Variants in EYA4 observed in about 807,000 individuals in gnomAD.
EYA4 encodes the protein EYA transcriptional coactivator and phosphatase 4, also known as protein phosphatase EYA4.
Under a neutral mutation model 87.9 loss-of-function variants are expected in EYA4, and 31 were observed. That is an observed-to-expected ratio of 0.35 (90% CI 0.27 to 0.48). EYA4 has a LOEUF of 0.48. EYA4 is among the 20% of genes least tolerant of loss of function. The probability of loss-of-function intolerance (pLI) is 0.99; values close to 1 mark genes in which losing one functional copy is unlikely to be tolerated. For missense variants in EYA4, 678 were observed against 761.4 expected (o/e 0.89, Z 1.29); for synonymous variants, 263 against 270.6 (o/e 0.97, Z 0.28).
At position 133,481,615 on chromosome 6, in the gene EYA4, C is replaced by A. The variant is rs368953117; in HGVS notation, c.1107+16C>A. The A allele has an allele frequency of 1.4e-5, 22 of 1,612,974 alleles. No individual in the cohort carries two copies. The African/African-American group carries it at 2.8e-4, about 21-fold the overall frequency. On this transcript the variant is annotated intron_variant, in intron 12 of 19. Coordinates refer to ENST00000355286, the MANE Select transcript of EYA4 (RefSeq NM_004100.5). ...TGACCTGGAGGTATGCCTACTCATT[C>A]TTAAAGATTGTAGTGTGATGCTTTA... is the stretch of plus-strand genomic sequence containing the variant.
Position 133,506,117 on chromosome 6 carries a change from G to C in EYA4, c.1203G>C (p.Met401Ile). ...CATTTTCTTTACAGGATCCCCCCAT[G>C]GCTGTAACCCTTGGACTCCGCATGG... The part of the protein sequence containing the change: ...YAQKYGKDPP[M>I]AVTLGLRMEE... The change falls in exon 14 of 20, where the codon ATG (methionine) becomes ATC (isoleucine). Residue 401 changes from methionine to isoleucine, a missense_variant. Met to Ile is a conservative substitution (Grantham distance 10). Coordinates refer to ENST00000355286, the MANE Select transcript of EYA4 (RefSeq NM_004100.5). 6.2e-7 allele frequency: 1 copy of C among 1,604,766 alleles called. No homozygotes were observed. The highest frequency in any genetic ancestry group is 2.2e-5 in the East Asian group (1 of 44,832).
At chr6:133,262,959 A>G (rs1313268597) in intron 1 of EYA4, among the ~76,000 whole-genome samples, 1 of 152,254 alleles carries the variant, frequency 6.6e-6, no homozygotes, top group Non-Finnish European at 1.5e-5. Context: ...GCATAGTCCA[A>G]GAATGTGCAT....
chr6:133,373,702 A>T (rs540224881), intron 2 of EYA4, among the ~76,000 whole-genome samples: 1 of 152,212 alleles, frequency 6.6e-6, no homozygotes, highest in Non-Finnish European at 1.5e-5. Context: ...CGGCAAAGAA[A>T]CATATAAACA....
chr6:133,489,958 T>C (rs187736767), intron 13 of EYA4, among the ~76,000 whole-genome samples: 8 of 148,854 alleles, frequency 5.4e-5, no homozygotes, highest in African/African-American at 2.0e-4. Context: ...TGACAACTTT[T>C]CAAGACATAG....
chr6:133,333,868 CT>C (rs910566592), intron 2 of EYA4, among the ~76,000 whole-genome samples: 1 of 152,104 alleles, frequency 6.6e-6, no homozygotes, highest in Non-Finnish European at 1.5e-5. Flanking sequence ...TAAAGACAAA[CT>C]TTTTTTCAGA....
At chr6:133,322,522 C>T (rs1332061679) in intron 2 of EYA4, among the ~76,000 whole-genome samples, 1 of 152,072 alleles carries the variant, frequency 6.6e-6, no homozygotes, top group Non-Finnish European at 1.5e-5. Flanking sequence ...ATGAGTAAAT[C>T]TGAAACTGAT....
At chr6:133,241,787 C>G (rs1212430867) in intron 1 of EYA4, 38 bp downstream of exon 1, 2 of 152,304 alleles carry the variant, frequency 1.3e-5, no homozygotes, top group African/African-American at 2.4e-5. Context: ...CCCCAGGGCT[C>G]CCGGGGGAGC....
At chr6:133,518,001 A>C (rs1192246394) in intron 17 of EYA4, among the ~76,000 whole-genome samples, 1 of 152,188 alleles carries the variant, frequency 6.6e-6, no homozygotes, top group Non-Finnish European at 1.5e-5. Flanking sequence ...ATAAGGAAGA[A>C]ATGTCTAAAC....
At chr6:133,396,114 C>A (rs1261987841) in intron 3 of EYA4, among the ~76,000 whole-genome samples, 2 of 152,076 alleles carry the variant, frequency 1.3e-5, no homozygotes, top group African/African-American at 4.8e-5. Context: ...TGAAAAAGCT[C>A]TTTGAAAGGA....
chr6:133,262,124 C>T (rs1775844666), intron 1 of EYA4, among the ~76,000 whole-genome samples: 1 of 152,290 alleles, frequency 6.6e-6, no homozygotes, highest in Middle Eastern at 3.4e-3. Flanking sequence ...CTTAAATTCT[C>T]TCAAAGTGCA....
At chr6:133,265,167 G>C (rs1356914612) in intron 1 of EYA4, among the ~76,000 whole-genome samples, 3 of 152,020 alleles carry the variant, frequency 2.0e-5, no homozygotes, top group African/African-American at 7.2e-5. Flanking sequence ...CTCGCTTCTA[G>C]CAGAGTTAAA....
At chr6:133,268,976 T>C (rs1229412352) in intron 1 of EYA4, among the ~76,000 whole-genome samples, 6 of 152,024 alleles carry the variant, frequency 3.9e-5, no homozygotes, top group Non-Finnish European at 7.4e-5. Context: ...TGTGTACTGC[T>C]GGCTGGGCAT....
intron 1 of EYA4, among the ~76,000 whole-genome samples, chr6:133,255,754 A>C (rs1370863071): frequency 6.6e-6 from 1 of 152,080 alleles, no homozygotes. Context: ...ATCAGTACAT[A>C]TAGTTTTGGG....
At chr6:133,276,849 G>A (rs1270584957) in intron 2 of EYA4, among the ~76,000 whole-genome samples, 1 of 150,002 alleles carries the variant, frequency 6.7e-6, no homozygotes, top group Non-Finnish European at 1.5e-5. Context: ...CCATAACATC[G>A]ACGTGCCTCA....
chr6:133,520,820 A>G (rs1213005962), intron 17 of EYA4, among the ~76,000 whole-genome samples: 2 of 151,828 alleles, frequency 1.3e-5, no homozygotes, highest in African/African-American at 4.8e-5. Flanking sequence ...CCTATCTACA[A>G]CTATCTGATC....
chr6:133,342,954 C>T (rs1782913472), intron 2 of EYA4, among the ~76,000 whole-genome samples: 1 of 152,086 alleles, frequency 6.6e-6, no homozygotes. Flanking sequence ...GATTTTTGTA[C>T]AATTAATTTT....
At chr6:133,458,715 C>T (rs1422229981) in intron 6 of EYA4, among the ~76,000 whole-genome samples, 2 of 152,090 alleles carry the variant, frequency 1.3e-5, no homozygotes, top group East Asian at 1.9e-4. Flanking sequence ...TGTCCCCTGG[C>T]AGGCAAAATT....
intron 3 of EYA4, among the ~76,000 whole-genome samples, chr6:133,394,304 T>G (rs1002339532): frequency 1.4e-5 from 2 of 143,034 alleles, no homozygotes; most frequent in Non-Finnish European, 3.0e-5. Context: ...TTTTTTTTTT[T>G]TTTTTTTTTT....
At chr6:133,377,985 C>G (rs1442234704) in intron 2 of EYA4, among the ~76,000 whole-genome samples, 11 of 151,942 alleles carry the variant, frequency 7.2e-5, no homozygotes, top group African/African-American at 2.7e-4. Flanking sequence ...CACACACACA[C>G]ACACACACAA....
Sources: gnomAD v4.1 joint callset for allele counts (sites outside exome capture counted in the v4.1 genomes callset) on GRCh38, gnomAD v4.1.1 for gene constraint, MANE v1.5 for transcripts, NCBI Gene and HGNC (gene_info 2026-07-23, HGNC 2026-07-21) for gene names.